Variants in SLCO1A2 observed in about 807,000 individuals in gnomAD.
SLCO1A2 encodes solute carrier organic anion transporter family member 1A2.
A neutral mutation model predicts 69.0 loss-of-function variants in SLCO1A2; 67 were observed. That is an observed-to-expected ratio of 0.97 (90% CI 0.80 to 1.19). The LOEUF (loss-of-function observed/expected upper bound fraction) is 1.19. Among genes scored for constraint, SLCO1A2 ranks in the 50% most tolerant of loss-of-function variants. The probability of loss-of-function intolerance (pLI) is 0.00; values close to 1 mark genes in which losing one functional copy is unlikely to be tolerated. For synonymous variants in SLCO1A2, 260 were observed against 265.9 expected, an observed-to-expected ratio of 0.98 and a Z score of 0.22; for missense variants, 787 against 793.7, an observed-to-expected ratio of 0.99 and a Z score of 0.10.
intron 10 of SLCO1A2, chr12:21,295,343 C>A: frequency 2.9e-6 from 1 of 342,430 alleles, no homozygotes; most frequent in Non-Finnish European, 5.3e-6. Context: ...ATCACAAAGA[C>A]AATCATGCAC....
intron 4 of SLCO1A2, among the ~76,000 whole-genome samples, chr12:21,312,812 A>C (rs538100070): frequency 1.3e-5 from 2 of 152,206 alleles, no homozygotes; most frequent in South Asian, 4.1e-4. Context: ...GGTGGCTCAC[A>C]CCTGTAATCC....
intron 12 of SLCO1A2, among the ~76,000 whole-genome samples, chr12:21,278,143 T>C (rs1944206473): frequency 1.3e-5 from 2 of 151,558 alleles, no homozygotes; most frequent in African/African-American, 4.9e-5. Flanking sequence ...GTGGTGGCCA[T>C]GGGGTGGGGC....
In SLCO1A2 at chr12:21,390,949, C is replaced by T. The variant is rs188829173; in HGVS notation, c.-190+3957G>A. ...TTGTCTTTGTTCTGCCTCTGAGTAG[C>T]TGTATTAAGTAACCCCTAAGCCACA... On this transcript the variant is annotated intron_variant, in intron 1 of 15. Transcript: ENST00000307378. Among the ~76,000 whole-genome samples the T allele has an allele frequency of 3.3e-5, 5 of 152,264 alleles. No homozygotes were observed. The East Asian group carries it at 9.6e-4, about 29-fold the overall frequency.
upstream of SLCO1A2, among the ~76,000 whole-genome samples, chr12:21,337,972 C>T (rs961808338): frequency 1.3e-5 from 2 of 151,966 alleles, no homozygotes. Flanking sequence ...CAAGTAAACA[C>T]TTTCATCAAC....
upstream of SLCO1A2, among the ~76,000 whole-genome samples, chr12:21,397,105 A>T (rs1941496129): frequency 6.6e-6 from 1 of 152,142 alleles, no homozygotes; most frequent in Non-Finnish European, 1.5e-5. Flanking sequence ...AAGACCCATC[A>T]GTGTGCAGTA....
At chr12:21,365,346 G>A (rs1442903742) in intron 2 of SLCO1A2, among the ~76,000 whole-genome samples, 13 of 152,178 alleles carry the variant, frequency 8.5e-5, no homozygotes, top group African/African-American at 2.7e-4. Flanking sequence ...CTAGCCATAT[G>A]TAGAAAGCTG....
At chr12:21,297,614 A>ATTT in intron 8 of SLCO1A2, 46 bp from the exon 9 acceptor site, 1 of 1,356,160 alleles carries the variant, frequency 7.4e-7, no homozygotes, top group Non-Finnish European at 9.9e-7. Context: ...TTGGCTTTGC[A>ATTT]TTTTGTGACT....
intron 12 of SLCO1A2, among the ~76,000 whole-genome samples, chr12:21,286,835 C>G (rs1386337993): frequency 1.4e-4 from 20 of 145,516 alleles, no homozygotes; most frequent in African/African-American, 5.2e-4. Context: ...GGATCCCTTC[C>G]TTACACCTTA....
chr12:21,284,049 C>T (rs1392477663), intron 12 of SLCO1A2, among the ~76,000 whole-genome samples: 2 of 152,118 alleles, frequency 1.3e-5, no homozygotes, highest in Non-Finnish European at 2.9e-5. Context: ...ATCCAGCAAT[C>T]CCACTTCTAG....
intron 2 of SLCO1A2, among the ~76,000 whole-genome samples, chr12:21,355,782 A>T (rs185440200): frequency 6.6e-5 from 10 of 152,344 alleles, no homozygotes; most frequent in Non-Finnish European, 1.2e-4. Context: ...GTTTAAAAGA[A>T]AATTTGTATG....
chr12:21,409,209 C>G (rs1283406467), intron 1 of SLCO1A2, among the ~76,000 whole-genome samples: 1 of 152,134 alleles, frequency 6.6e-6, no homozygotes, highest in Non-Finnish European at 1.5e-5. Context: ...GAAGATGAAG[C>G]AACTGTTGTG....
At chr12:21,319,337 A>T (rs770218081) in intron 2 of SLCO1A2, 24 of 1,367,756 alleles carry the variant, frequency 1.8e-5, no homozygotes, top group Non-Finnish European at 2.3e-5. Flanking sequence ...AATATACTTA[A>T]GTTCTCTCTG....
intron 5 of SLCO1A2, 32 bp downstream of exon 5, chr12:21,306,850 T>C (rs1429002277): frequency 6.7e-7 from 1 of 1,500,460 alleles, no homozygotes; most frequent in Admixed American, 1.7e-5. Flanking sequence ...ATAAGTTCGC[T>C]GAACAAAAAT....
intron 2 of SLCO1A2, among the ~76,000 whole-genome samples, chr12:21,361,563 G>T (rs1283109875): frequency 6.6e-6 from 1 of 152,208 alleles, no homozygotes; most frequent in African/African-American, 2.4e-5. Context: ...ACAGAAGAAG[G>T]CTTCAGAAGA....
chr12:21,367,485 G>A (rs1472595924), intron 2 of SLCO1A2, among the ~76,000 whole-genome samples: 1 of 152,082 alleles, frequency 6.6e-6, no homozygotes, highest in African/African-American at 2.4e-5. Flanking sequence ...TGGGCAGTGA[G>A]AGGGGAAGTT....
intron 11 of SLCO1A2, among the ~76,000 whole-genome samples, chr12:21,293,114 C>T (rs1209459993): frequency 6.6e-6 from 1 of 152,126 alleles, no homozygotes; most frequent in African/African-American, 2.4e-5. Context: ...ACCAGCCTGA[C>T]CAACATGGTG....
intron 4 of SLCO1A2, among the ~76,000 whole-genome samples, chr12:21,310,911 T>C (rs1950069727): frequency 6.6e-6 from 1 of 152,198 alleles, no homozygotes; most frequent in East Asian, 1.9e-4. Context: ...CCGCACATAA[T>C]GCTGTTTGAT....
rs11502677 is a variant in SLCO1A2, at chr12:21,283,471, A to G, written c.1611-8047T>C. ...GACCTCCAACTAACAAACTACTGCAAGAAAACATTCAGGAAACTCTCCAGG... is the reference window on the plus strand; with the variant it reads ...GACCTCCAACTAACAAACTACTGCAGGAAAACATTCAGGAAACTCTCCAGG... On this transcript the variant is annotated intron_variant, in intron 12 of 14. Transcript: ENST00000683939. Among the ~76,000 whole-genome samples the G allele has an allele frequency of 5.2e-3, 799 of 152,306 alleles. 5 individuals are homozygous for G. Among genetic ancestry groups the G allele is most frequent in the African/African-American group, 0.017 (690 of 41,584 alleles).
intron 1 of SLCO1A2, among the ~76,000 whole-genome samples, chr12:21,402,450 G>A (rs1023834330): frequency 1.2e-4 from 19 of 152,092 alleles, no homozygotes; most frequent in African/African-American, 3.1e-4. Context: ...AAGGAAATGC[G>A]ATTGAAAAGT....
Sources: gnomAD v4.1 joint callset for allele counts (sites outside exome capture counted in the v4.1 genomes callset) on GRCh38, gnomAD v4.1.1 for gene constraint, MANE v1.5 for transcripts, NCBI Gene and HGNC (gene_info 2026-07-23, HGNC 2026-07-21) for gene names.